The following TXN2 variants were observed in gnomAD, a reference collection of about 807,000 sequenced individuals.
TXN2 encodes the protein thioredoxin, mitochondrial.
TXN2 carries 12 observed loss-of-function variants against 14.6 expected under a neutral mutation model. The observed-to-expected ratio is 0.82, with a 90% confidence interval of 0.53 to 1.33. The LOEUF is 1.33. TXN2 is among the 40% of genes most tolerant of loss of function. The pLI, the probability that TXN2 is intolerant of heterozygous loss-of-function variation, is 0.00. For synonymous variants in TXN2, 89 were observed against 81.0 expected (o/e 1.10, Z -0.53); for missense variants, 173 against 207.7 (o/e 0.83, Z 1.03).
At chr22:36,471,885 G>A (rs1568976432) in intron 3 of TXN2, among the ~76,000 whole-genome samples, 1 of 151,834 alleles carries the variant, frequency 6.6e-6, no homozygotes, top group East Asian at 1.9e-4. Flanking sequence ...CAGGAGAAGT[G>A]CTTGAATGCG....
intron 2 of TXN2, among the ~76,000 whole-genome samples, chr22:36,479,639 C>A (rs1240997403): frequency 6.6e-6 from 1 of 151,954 alleles, no homozygotes; most frequent in Non-Finnish European, 1.5e-5. Flanking sequence ...ACCTGAAGGC[C>A]CCTGAATTTT....
chr22:36,475,096 C>T (rs868086875), intron 3 of TXN2, among the ~76,000 whole-genome samples: 4 of 152,196 alleles, frequency 2.6e-5, no homozygotes, highest in Admixed American at 6.5e-5. Context: ...AAAAGAAACC[C>T]GCTGGGCGCG....
At chr22:36,474,897 A>G (rs1286146697) in intron 3 of TXN2, among the ~76,000 whole-genome samples, 1 of 152,148 alleles carries the variant, frequency 6.6e-6, no homozygotes, top group Non-Finnish European at 1.5e-5. Flanking sequence ...GCCCAGAGGA[A>G]GCCCCCAACC....
At chr22:36,481,513 G>T in intron 1 of TXN2, 51 bp downstream of exon 1, 1 of 946,460 alleles carries the variant, frequency 1.1e-6, no homozygotes, top group Non-Finnish European at 1.3e-6. Flanking sequence ...ACGCGCTCGC[G>T]GCATGCCTCA....
intron 3 of TXN2, among the ~76,000 whole-genome samples, chr22:36,475,458 C>G (rs1933367413): frequency 6.6e-6 from 1 of 152,212 alleles, no homozygotes; most frequent in Admixed American, 6.5e-5. Flanking sequence ...AACTTATTAT[C>G]TAAAACAGGG....
intron 3 of TXN2, among the ~76,000 whole-genome samples, chr22:36,470,483 CAG>C (rs1933250447): frequency 6.6e-6 from 1 of 152,224 alleles, no homozygotes; most frequent in African/African-American, 2.4e-5. Context: ...TTGGCAGAAG[CAG>C]AGAGCTCAGC....
At chr22:36,469,635 C>T (rs1035964099) in intron 3 of TXN2, among the ~76,000 whole-genome samples, 43 of 152,158 alleles carry the variant, frequency 2.8e-4, no homozygotes, top group African/African-American at 8.2e-4. Flanking sequence ...GCCTGGCATT[C>T]GTGGGCATTT....
chr22:36,481,155 A>G (rs994697323), intron 1 of TXN2: 2 of 218,710 alleles, frequency 9.1e-6, no homozygotes, highest in African/African-American at 2.3e-5. Flanking sequence ...TACACACATT[A>G]TTGGTCTTCC....
chr22:36,472,387 C>T (rs1422490372), intron 3 of TXN2, among the ~76,000 whole-genome samples: 3 of 152,118 alleles, frequency 2.0e-5, no homozygotes, highest in South Asian at 2.1e-4. Flanking sequence ...TTTGTCCAAA[C>T]CCACAGCAGG....
chr22:36,480,272 A>G (rs1933472384), intron 2 of TXN2, among the ~76,000 whole-genome samples: 1 of 152,244 alleles, frequency 6.6e-6, no homozygotes, highest in African/African-American at 2.4e-5. Context: ...ACTGGTATAC[A>G]CCAAAAGCAA....
chr22:36,471,743 T>C (rs1315112402), intron 3 of TXN2, among the ~76,000 whole-genome samples: 35 of 151,922 alleles, frequency 2.3e-4, no homozygotes, highest in Admixed American at 2.0e-3. Context: ...CTGAGGAAGG[T>C]GAATCATCTG....
intron 3 of TXN2, among the ~76,000 whole-genome samples, chr22:36,471,960 A>ACC (rs141598665): frequency 7.3e-6 from 1 of 137,818 alleles, no homozygotes. Context: ...AAAGAGTGAG[A>ACC]CCCCCTCTAA....
chr22:36,479,331 TTTC>T (rs1224085742), intron 2 of TXN2, among the ~76,000 whole-genome samples: 50 of 151,560 alleles, frequency 3.3e-4, no homozygotes, highest in Non-Finnish European at 6.3e-4. Context: ...TCAATTTCTT[TTTC>T]TTTTTTTTTT....
At chr22:36,468,083 T>C (rs547915740) in intron 3 of TXN2, among the ~76,000 whole-genome samples, 166 bp from the exon 4 acceptor site, 74 of 152,344 alleles carry the variant, frequency 4.9e-4, no homozygotes, top group Admixed American at 4.8e-3. Context: ...GCAGGGGTAC[T>C]GCAGGGCCCG....
rs1410139096 is a variant in TXN2, at chr22:36,467,425, T to C, written c.*379A>G. The stretch of plus-strand genomic sequence containing the variant: ...CAGCAGCTGGAAAGAGAAATGTAGG[T>C]GGCAGACGAGCCAGGCACGAGGTTT... On this transcript the variant is annotated 3_prime_UTR_variant, in exon 4 of 4. Coordinates refer to ENST00000216185, the MANE Select transcript of TXN2 (RefSeq NM_012473.4). 1 of 202,858 alleles carries C rather than the reference T, an allele frequency of 4.9e-6. No individual in the cohort carries two copies. Among genetic ancestry groups the C allele is most frequent in the Non-Finnish European group, 1.0e-5 (1 of 99,740 alleles). 12.6% of individuals were successfully genotyped at this position (202,858 alleles called of 1,614,324 possible).
At chr22:36,476,633 T>C (rs1481445767) in intron 3 of TXN2, 100 bp downstream of exon 3, 1 of 1,506,978 alleles carries the variant, frequency 6.6e-7, no homozygotes, top group African/African-American at 1.4e-5. Flanking sequence ...CCTTGCTTAC[T>C]GGCTACCTGT....
rs1933396231 is a variant in TXN2, at chr22:36,476,798, G to A, written c.322C>T (p.His108Tyr). 5 of 1,614,096 alleles carry A rather than the reference G, an allele frequency of 3.1e-6. No individual in the cohort carries two copies. The East Asian group carries it at 1.1e-4, about 36-fold the overall frequency. Residue 108 changes from histidine (H) to tyrosine (Y), a missense_variant, in exon 3 of 4, where the codon CAC becomes TAC. Coordinates refer to ENST00000216185, the MANE Select transcript of TXN2 (RefSeq NM_012473.4). ...ACCTTGGCCATCACCACCTTCCCGTGCTGCTTGGCCACCATCTTCTCTAAC... is the reference window on the plus strand; with the variant it reads ...ACCTTGGCCATCACCACCTTCCCGTACTGCTTGGCCACCATCTTCTCTAAC... ...PRLEKMVAKQ[H>Y]GKVVMAKVDI...
Position 36,467,784 on chromosome 22 carries a change from C to A in TXN2, c.*20G>T. The A allele has an allele frequency of 1.2e-6, 2 of 1,602,472 alleles. No homozygotes were observed. The highest frequency in any genetic ancestry group is 1.7e-6 in the Non-Finnish European group (2 of 1,170,566). On this transcript the variant is annotated 3_prime_UTR_variant, in exon 4 of 4. Transcript: ENST00000216185. Reference sequence around the variant, plus strand: ...TTGGGGTCCCACGCGGGCAAGGGAACCAGGACTCATCCCTGCTTGTCAGCC... The same window carrying A: ...TTGGGGTCCCACGCGGGCAAGGGAAACAGGACTCATCCCTGCTTGTCAGCC...
intron 3 of TXN2, chr22:36,468,612 A>C: frequency 2.3e-6 from 1 of 444,094 alleles, no homozygotes; most frequent in Non-Finnish European, 4.5e-6. Context: ...CTGTACTCCC[A>C]TACTCGGGAG....
Sources: allele counts gnomAD v4.1 joint callset (sites outside exome capture counted in the v4.1 genomes callset), GRCh38; gene constraint gnomAD v4.1.1; transcripts MANE v1.5; gene names NCBI Gene and HGNC (gene_info 2026-07-23, HGNC 2026-07-21).